ATG16L2: variants seen among roughly 807,000 people sequenced by gnomAD.
The protein encoded by ATG16L2 is autophagy related 16 like 2, also known as protein Atg16l2.
Under a neutral mutation model 84.7 loss-of-function variants are expected in ATG16L2, and 77 were observed. The observed-to-expected ratio is 0.91, with a 90% CI of 0.76 to 1.10. The LOEUF is 1.10. Ranked by LOEUF, ATG16L2 falls within the 50% of genes least tolerant of loss-of-function variation. ATG16L2 has a pLI of 0.00. For missense variants in ATG16L2, 782 were observed against 817.6 expected, an observed-to-expected ratio of 0.96 and a Z score of 0.53; for synonymous variants, 361 against 342.8, an observed-to-expected ratio of 1.05 and a Z score of -0.59.
At position 72,825,427 on chromosome 11, in the gene ATG16L2, C is replaced by T. The variant is rs761916567; in HGVS notation, c.1102+20C>T. On this transcript the variant is annotated intron_variant, in intron 10 of 17. Transcript: ENST00000321297. ...TGGGAAGTAAGGAGCCCTCCCCTGC[C>T]GGCCAACTTGGTGCTTCTCTCCAGA... 1.4e-5 allele frequency: 22 copies of T among 1,597,580 alleles called. No individual in the cohort carries two copies. Among genetic ancestry groups the T allele is most frequent in the Middle Eastern group, 1.7e-4 (1 of 6,060 alleles).
At chr11:72,841,061 G>C in intron 5 of ATG16L2, 1 of 830,846 alleles carries the variant, frequency 1.2e-6, no homozygotes, top group Non-Finnish European at 2.0e-6. Flanking sequence ...CCAGCACTTT[G>C]GGATACTGAG....
In ATG16L2 at chr11:72,822,206, G is replaced by A. The variant is rs537056267; in HGVS notation, c.555G>A (p.Gln185=). The change falls in exon 5 of 18, where the codon CAG becomes CAA. Residue 185 remains glutamine (Q), a synonymous_variant. Coordinates refer to ENST00000321297, the MANE Select transcript of ATG16L2 (RefSeq NM_033388.2). This position sits in a 1 kb window ranked among gnomAD's most constrained non-coding sequence, Gnocchi z 4.2. ...GLREAALRRL[Q]EEARDLLERL... ...GGGAGGCGGCACTGCGCAGGCTCCA[G>A]GAAGAGGCGCGCGACCTGCTGGAGA... is the stretch of plus-strand genomic sequence containing the variant. 3.3e-6 allele frequency: 5 copies of A among 1,505,994 alleles called. No homozygotes were observed. The East Asian group carries it at 1.3e-4, about 39-fold the overall frequency. The allele number at this position is 1,505,994 out of a possible 1,614,324, so 93.3% of individuals were successfully genotyped here.
chr11:72,815,490 G>A (rs1010032717), intron 1 of ATG16L2, among the ~76,000 whole-genome samples: 1 of 152,128 alleles, frequency 6.6e-6, no homozygotes, highest in Non-Finnish European at 1.5e-5. Context: ...GAGGGAGGGG[G>A]TCACCGCCCC....
At chr11:72,826,424 T>C in intron 11 of ATG16L2, 94 bp from the exon 12 acceptor site, 39 of 1,535,646 alleles carry the variant, frequency 2.5e-5, no homozygotes, top group Non-Finnish European at 3.4e-5. Context: ...ACCTGGGCCG[T>C]GGGAAACTGT....
intron 1 of ATG16L2, chr11:72,815,860 G>A (rs951193741): frequency 6.6e-6 from 1 of 152,272 alleles, no homozygotes; most frequent in Non-Finnish European, 1.5e-5. Context: ...CTGTTGATGG[G>A]GGAGGGTGTT....
intron 3 of ATG16L2, among the ~76,000 whole-genome samples, chr11:72,820,758 G>A (rs1363792864): frequency 6.6e-6 from 1 of 152,060 alleles, no homozygotes; most frequent in Non-Finnish European, 1.5e-5. Flanking sequence ...GGCCAGAGGC[G>A]CCTCTGGCCC....
At chr11:72,816,914 A>G in intron 2 of ATG16L2, 87 bp downstream of exon 2, 1 of 866,462 alleles carries the variant, frequency 1.2e-6, no homozygotes, top group South Asian at 1.4e-5. Context: ...TTCTCTCCCT[A>G]GTGCCTCATC....
downstream of ATG16L2, among the ~76,000 whole-genome samples, chr11:72,831,218 TTA>T (rs1171091197): frequency 3.3e-5 from 5 of 152,228 alleles, no homozygotes; most frequent in Non-Finnish European, 5.9e-5. Context: ...TTAAATTCTC[TTA>T]TTCAGGCTGG....
intron 3 of ATG16L2, chr11:72,821,410 C>T (rs1859983375): frequency 7.7e-7 from 1 of 1,302,334 alleles, no homozygotes; most frequent in East Asian, 3.3e-5. Context: ...CAGAGAGGTT[C>T]CTAGTAGGGT....
intron 3 of ATG16L2, chr11:72,818,217 G>A (rs1859798395): frequency 4.8e-6 from 1 of 209,564 alleles, no homozygotes; most frequent in Non-Finnish European, 9.9e-6. Flanking sequence ...GACTACAGAA[G>A]TTAGGTTCAT....
At chr11:72,843,415 C>A (rs1861027156) in exon 6 of ATG16L2, 3 of 1,607,952 alleles carry the variant, frequency 1.9e-6, no homozygotes, top group Non-Finnish European at 2.6e-6. Context: ...CTAAAAATGT[C>A]ACAAGAAAGG....
intron 3 of ATG16L2, among the ~76,000 whole-genome samples, chr11:72,820,873 T>G (rs1323085625): frequency 1.3e-5 from 2 of 151,508 alleles, no homozygotes; most frequent in Admixed American, 1.3e-4. Context: ...GAGGCGGGAG[T>G]GCAGATGAAA....
chr11:72,828,822 G>T (rs1860512213), intron 16 of ATG16L2, 46 bp downstream of exon 16: 2 of 1,614,002 alleles, frequency 1.2e-6, no homozygotes, highest in African/African-American at 2.7e-5. Flanking sequence ...TGCCCTGCCG[G>T]ACCCTGTGTG....
intron 8 of ATG16L2, 134 bp downstream of exon 8, chr11:72,824,256 G>A (rs1353851031): frequency 4.6e-6 from 5 of 1,090,128 alleles, no homozygotes; most frequent in Non-Finnish European, 6.9e-6. Flanking sequence ...GTTGGGCCTT[G>A]GAGACAGGAG....
chr11:72,817,897 G>A (rs765904220), intron 3 of ATG16L2, 42 bp downstream of exon 3: 2 of 1,538,800 alleles, frequency 1.3e-6, no homozygotes, highest in South Asian at 1.1e-5. Flanking sequence ...GAGAGATGTG[G>A]TCCAAGGGAG....
At chr11:72,820,731 C>G (rs1188901392) in intron 3 of ATG16L2, among the ~76,000 whole-genome samples, 2 of 152,118 alleles carry the variant, frequency 1.3e-5, no homozygotes, top group Non-Finnish European at 2.9e-5. Context: ...GCAACAAGAG[C>G]CCCCAGCCTT....
chr11:72,831,602 C>T (rs1015398232), downstream of ATG16L2, among the ~76,000 whole-genome samples: 1 of 152,338 alleles, frequency 6.6e-6, no homozygotes, highest in Admixed American at 6.5e-5. Context: ...TTCTACTCTG[C>T]CCCAGCCCTC....
At position 72,817,860 on chromosome 11, in the gene ATG16L2, G is replaced by C; in HGVS notation, c.318+5G>C. ...CTCCGGCTGGTCTGTGGTGAGGTAA[G>C]TTGGGAAGGGGTCTGAAAATGGGGT... is the stretch of plus-strand genomic sequence containing the variant. On this transcript the variant is annotated splice_donor_5th_base_variant and intron_variant, in intron 3 of 17. Transcript: ENST00000321297. The C allele has an allele frequency of 1.9e-6, 3 of 1,607,194 alleles. No homozygotes were observed. The South Asian group carries it at 3.3e-5, about 18-fold the overall frequency.
chr11:72,829,097 C>A, intron 17 of ATG16L2, 113 bp downstream of exon 17: 1 of 1,202,280 alleles, frequency 8.3e-7, no homozygotes, highest in Non-Finnish European at 1.2e-6. Flanking sequence ...CCACCTTCCA[C>A]CCGACCAGAG....
Sources: allele counts gnomAD v4.1 joint callset (sites outside exome capture counted in the v4.1 genomes callset), GRCh38; gene constraint gnomAD v4.1.1; non-coding constraint Gnocchi (gnomAD v3.1); transcripts MANE v1.5; gene names NCBI Gene and HGNC (gene_info 2026-07-23, HGNC 2026-07-21).